Variants in GRHL3 observed in about 807,000 individuals in gnomAD.
The protein encoded by GRHL3 is grainyhead like transcription factor 3.
In GRHL3, 20 loss-of-function variants were observed where a neutral mutation model predicts 70.3. That is an observed-to-expected ratio of 0.28 (90% CI 0.20 to 0.41). GRHL3 has a LOEUF of 0.41. GRHL3 is among the 10% of genes least tolerant of loss of function. The pLI is 1.00. For missense variants in GRHL3, 637 were observed against 762.3 expected (o/e 0.84, Z 1.94); for synonymous variants, 299 against 299.9 (o/e 1.00, Z 0.03).
intron 15 of GRHL3, among the ~76,000 whole-genome samples, chr1:24,361,595 TTCCAGAA>T: frequency 6.6e-6 from 1 of 152,186 alleles, no homozygotes; most frequent in South Asian, 2.1e-4. Flanking sequence ...AACATTGACA[TTCCAGAA>T]TCCTACTAAA....
rs768175566 is a variant in GRHL3 at position 24,337,080 on chromosome 1, G to A, written c.615G>A (p.Ser205=). 19 of 1,613,736 alleles carry A rather than the reference G, an allele frequency of 1.2e-5. No individual in the cohort carries two copies. The highest frequency in any genetic ancestry group is 2.2e-5 in the East Asian group (1 of 44,886). Residue 205 remains serine, a splice_region_variant and synonymous_variant, in exon 5 of 16, where the codon TCG becomes TCA. Coordinates refer to ENST00000361548, the MANE Select transcript of GRHL3 (RefSeq NM_198173.3). ...CTTGGGGCTGTGTTTCTCTGCAGTCGATGCTCTTCCCAGATATCCTGAAAA... is the reference window on the plus strand; with the variant it reads ...CTTGGGGCTGTGTTTCTCTGCAGTCAATGCTCTTCCCAGATATCCTGAAAA... ...DSTFKDDPQE[S]MLFPDILKTS...
chr1:24,358,335 T>C (rs1640859784), downstream of GRHL3: 1 of 691,584 alleles, frequency 1.4e-6, no homozygotes, highest in African/African-American at 1.8e-5. Flanking sequence ...TCTGTGGGGC[T>C]GGGGTGAAGT....
At position 24,334,564 on chromosome 1, in the gene GRHL3, G is replaced by C; in HGVS notation, c.205-81G>C. The C allele has an allele frequency of 8.9e-7, 1 of 1,118,588 alleles. No homozygotes were observed. Among genetic ancestry groups the C allele is most frequent in the Non-Finnish European group, 1.3e-6 (1 of 741,176 alleles). The allele number at this position is 1,118,588 out of a possible 1,614,324, so 69.3% of individuals were successfully genotyped here. A position where few individuals can be genotyped will look rare whatever the true frequency, so the allele number is the denominator to read the frequency against. On this transcript the variant is annotated intron_variant, in intron 2 of 15. Transcript: ENST00000361548. The surrounding 1 kb of genome is among the most constrained non-coding windows in gnomAD (Gnocchi z 4.3). ...TATCACCAAAGTTACTCCCCTGCCT[G>C]GCCAAAGCTGCAGGAGGGGATTGAG... is the stretch of plus-strand genomic sequence containing the variant.
chr1:24,356,668 G>A (rs1640730462), downstream of GRHL3, among the ~76,000 whole-genome samples: 1 of 152,186 alleles, frequency 6.6e-6, no homozygotes, highest in Non-Finnish European at 1.5e-5. Context: ...ATCTCTGTTG[G>A]TTGTTTGTAA....
chr1:24,327,731 C>A (rs1051476133), intron 1 of GRHL3, among the ~76,000 whole-genome samples: 2 of 152,184 alleles, frequency 1.3e-5, no homozygotes, highest in African/African-American at 4.8e-5. Context: ...TTTCTTCTGG[C>A]CCTATCACCC....
intron 14 of GRHL3, among the ~76,000 whole-genome samples, chr1:24,348,787 T>C (rs1017406267): frequency 1.3e-5 from 2 of 152,336 alleles, no homozygotes; most frequent in Middle Eastern, 3.4e-3. Flanking sequence ...TTAAAAGAAA[T>C]AGTCGTCTAA....
chr1:24,331,598 T>C lies in GRHL3; in HGVS notation c.190T>C (p.Tyr64His). 1 of 1,613,660 alleles carries C rather than the reference T, an allele frequency of 6.2e-7. No homozygotes were observed. ...CAGTGTTGCGGCCTTGAGCTTCCTC[T>C]ATGATTACTACATGGTACGTCTACC... The part of the protein sequence containing the change: ...DDSVAALSFL[Y>H]DYYMGPKEKR... Residue 64 changes from tyrosine to histidine, a missense_variant, in exon 2 of 16, where the codon TAT (tyrosine) becomes CAT (histidine). This residue lies in a region of GRHL3 where 250 missense variants were observed against 248.6 expected (regional missense o/e 1.01). Transcript: ENST00000361548.
intron 14 of GRHL3, among the ~76,000 whole-genome samples, chr1:24,349,065 A>G (rs1183445736): frequency 6.6e-6 from 1 of 152,196 alleles, no homozygotes; most frequent in Admixed American, 6.5e-5. Flanking sequence ...TACTATGCCC[A>G]TTTTACAAGT....
intron 8 of GRHL3, among the ~76,000 whole-genome samples, chr1:24,341,491 C>T (rs191349397): frequency 1.2e-4 from 18 of 152,304 alleles, no homozygotes; most frequent in Admixed American, 7.8e-4. Flanking sequence ...CCTAGGGGAA[C>T]GGCAGCAATT....
chr1:24,333,551 T>C (rs1639686572), intron 2 of GRHL3, among the ~76,000 whole-genome samples: 1 of 152,202 alleles, frequency 6.6e-6, no homozygotes, highest in African/African-American at 2.4e-5. Context: ...TATAGTGCTC[T>C]CCATGTGCTA....
chr1:24,323,081 G>C lies in GRHL3; in HGVS notation c.17+3513G>C, dbSNP rs1639262477. 3 of 1,548,500 alleles carry C rather than the reference G, an allele frequency of 1.9e-6. No homozygotes were observed. The Admixed American group carries it at 5.9e-5, about 30-fold the overall frequency. ...TGTTAAGAGTGGTTATTTCTGAGCA[G>C]AAGAATGTGGATGAATTCCATTCTT... On this transcript the variant is annotated intron_variant, in intron 1 of 15. Coordinates refer to ENST00000361548, the MANE Select transcript of GRHL3 (RefSeq NM_198173.3).
chr1:24,343,367 G>A (rs954322400), intron 11 of GRHL3: 19 of 268,830 alleles, frequency 7.1e-5, no homozygotes, highest in African/African-American at 2.6e-4. Flanking sequence ...TGCCAGGTGC[G>A]GCTCTGAGCG....
chr1:24,342,947 G>T lies in GRHL3; in HGVS notation c.1341G>T (p.Arg447=), dbSNP rs748474786. The change falls in exon 11 of 16, where the codon CGG becomes CGT. Residue 447 remains arginine, a synonymous_variant. Coordinates refer to ENST00000361548, the MANE Select transcript of GRHL3 (RefSeq NM_198173.3). This position sits in a 1 kb window ranked among gnomAD's most constrained non-coding sequence, Gnocchi z 4.8. The part of the protein sequence containing the change: ...GFRGNETTYL[R]PETDLETPPV... ...GGGGCAATGAGACGACCTACCTTCGGCCAGAGACTGACCTGGAGACGCCAC... is the reference window on the plus strand; with the variant it reads ...GGGGCAATGAGACGACCTACCTTCGTCCAGAGACTGACCTGGAGACGCCAC... 2.5e-6 allele frequency: 4 copies of T among 1,614,140 alleles called. No homozygotes were observed. Among genetic ancestry groups the T allele is most frequent in the Admixed American group, 1.7e-5 (1 of 60,030 alleles).
In GRHL3 at chr1:24,342,748, AAGTG is replaced by A; in HGVS notation, c.1262_1265del (p.Lys421ThrfsTer67). 6.2e-7 allele frequency: 1 copy of A among 1,614,158 alleles called. No homozygotes were observed. Among genetic ancestry groups the A allele is most frequent in the Non-Finnish European group, 8.5e-7 (1 of 1,180,014 alleles). ...GCGGAAGCAGTTCCGGAGGAAGGTCAAGTGCCCTGACTCCAGCAACAGTGGTCAG... is the reference window on the plus strand; with the variant it reads ...GCGGAAGCAGTTCCGGAGGAAGGTCACCCTGACTCCAGCAACAGTGGTCAG... On this transcript the variant is annotated frameshift_variant, in exon 10 of 16. Coordinates refer to ENST00000361548, the MANE Select transcript of GRHL3 (RefSeq NM_198173.3). LOFTEE classifies it high-confidence loss of function. This position sits in a 1 kb window ranked among gnomAD's most constrained non-coding sequence, Gnocchi z 4.8.
chr1:24,337,354 A>C (rs1204003780), intron 5 of GRHL3: 2 of 594,378 alleles, frequency 3.4e-6, no homozygotes, highest in Non-Finnish European at 5.9e-6. Flanking sequence ...GTACCTTATC[A>C]GAAAACTGAG....
At chr1:24,353,502 T>G (rs533662525) in intron 15 of GRHL3, among the ~76,000 whole-genome samples, 4 of 61,604 alleles carry the variant, frequency 6.5e-5, no homozygotes, top group East Asian at 4.2e-4. Flanking sequence ...GGGGTGTGTA[T>G]GGGTGGGTAG....
At chr1:24,360,718 G>A (rs1375143568) in intron 15 of GRHL3, 18 of 779,312 alleles carry the variant, frequency 2.3e-5, no homozygotes, top group Non-Finnish European at 3.4e-5. Flanking sequence ...AACTGATAAT[G>A]CTTCCAAATC....
rs1297265972 is a variant in GRHL3, at chr1:24,336,717, A to G, written c.502A>G (p.Thr168Ala). ...GSVDSYLLPT[T>A]DMYDNGSLNS... ...TGTGGACAGCTACCTGTTACCCACC[A>G]CTGATATGTATGATAATGGCTCCCT... Residue 168 changes from threonine (T) to alanine (A), a missense_variant, in exon 4 of 16, where the codon ACT (threonine) becomes GCT (alanine). Thr to Ala is a moderately conservative substitution (Grantham distance 58). Coordinates refer to ENST00000361548, the MANE Select transcript of GRHL3 (RefSeq NM_198173.3). 6.2e-7 allele frequency: 1 copy of G among 1,614,036 alleles called. No homozygotes were observed. The highest frequency in any genetic ancestry group is 8.5e-7 in the Non-Finnish European group (1 of 1,180,014).
intron 3 of GRHL3, among the ~76,000 whole-genome samples, chr1:24,336,011 T>A (rs926536894): frequency 6.6e-6 from 1 of 152,162 alleles, no homozygotes; most frequent in East Asian, 1.9e-4. Context: ...CCTGTACCCC[T>A]CTCCCGCTTA....
Sources: allele counts gnomAD v4.1 joint callset (sites outside exome capture counted in the v4.1 genomes callset), GRCh38; gene constraint gnomAD v4.1.1; regional missense constraint gnomAD v4.1.1; non-coding constraint Gnocchi (gnomAD v3.1); transcripts MANE v1.5; gene names NCBI Gene and HGNC (gene_info 2026-07-23, HGNC 2026-07-21).